The following ZNRF3 variants were observed in gnomAD, a reference collection of about 807,000 sequenced individuals.
ZNRF3 encodes the protein E3 ubiquitin-protein ligase ZNRF3.
ZNRF3 carries 23 observed loss-of-function variants against 72.5 expected under a neutral mutation model. That is an observed-to-expected ratio of 0.32 (90% confidence interval 0.23 to 0.45). ZNRF3 has a LOEUF of 0.45. Among genes scored for constraint, ZNRF3 ranks in the 20% least tolerant of loss-of-function variants. The probability of loss-of-function intolerance (pLI) is 1.00; values close to 1 mark genes in which losing one functional copy is unlikely to be tolerated. For synonymous variants in ZNRF3, 610 were observed against 545.3 expected (o/e 1.12, Z -1.65); for missense variants, 1,169 against 1,272.1 (o/e 0.92, Z 1.23).
intron 2 of ZNRF3, among the ~76,000 whole-genome samples, chr22:28,995,294 T>C: frequency 6.6e-6 from 1 of 151,776 alleles, no homozygotes; most frequent in East Asian, 1.9e-4. Context: ...ATTAGCCTGG[T>C]GTGGTGGCGG....
chr22:28,913,148 C>A (rs2034349466), intron 1 of ZNRF3, among the ~76,000 whole-genome samples: 1 of 152,204 alleles, frequency 6.6e-6, no homozygotes. Context: ...CTCAAGGCAT[C>A]GCCTGAAGAA....
chr22:29,041,015 T>A (rs748628289), intron 2 of ZNRF3, among the ~76,000 whole-genome samples: 8 of 152,170 alleles, frequency 5.3e-5, no homozygotes, highest in Non-Finnish European at 8.8e-5. Flanking sequence ...ACTCTGTTGA[T>A]CTCTAAGCAC....
At chr22:28,944,615 C>T (rs1281827469) in intron 1 of ZNRF3, among the ~76,000 whole-genome samples, 2 of 151,910 alleles carry the variant, frequency 1.3e-5, no homozygotes, top group Non-Finnish European at 2.9e-5. Context: ...ATTAGCCGGG[C>T]GTGGTGGCGC....
intron 2 of ZNRF3, among the ~76,000 whole-genome samples, chr22:29,037,216 G>A (rs924480177): frequency 3.3e-5 from 5 of 152,184 alleles, no homozygotes; most frequent in Admixed American, 1.3e-4. Flanking sequence ...AATAGAGATG[G>A]CGGTAGGTCC....
Position 28,884,034 on chromosome 22 carries a change from G to A in ZNRF3, c.268G>A (p.Ala90Thr). 1 of 1,287,270 alleles carries A rather than the reference G, an allele frequency of 7.8e-7. No homozygotes were observed. Among genetic ancestry groups the A allele is most frequent in the Non-Finnish European group, 1.0e-6 (1 of 998,302 alleles). The allele number at this position is 1,287,270 out of a possible 1,614,324, so 79.7% of individuals were successfully genotyped here. Reference protein sequence around the residue: ...GLTGRFSRAGATLSAEGEIVQ... With the variant: ...GLTGRFSRAGTTLSAEGEIVQ... ...CACGGGCCGCTTCTCGCGGGCCGGG[G>A]CCACGCTCAGCGCCGAGGGCGAGAT... Residue 90 changes from alanine (A) to threonine (T), a missense_variant, in exon 1 of 9, where the codon GCC becomes ACC. Physicochemically the swap from Ala to Thr is moderately conservative, Grantham distance 58. This residue lies in a region of ZNRF3 where 386 missense variants were observed against 540.7 expected (regional missense o/e 0.71). Transcript: ENST00000544604.
intron 2 of ZNRF3, chr22:29,018,138 A>G: frequency 4.1e-6 from 2 of 491,728 alleles, no homozygotes; most frequent in Non-Finnish European, 4.1e-6. Flanking sequence ...CTTGAACATT[A>G]TAAGGAATTG....
chr22:28,912,381 T>C (rs1218539855), intron 1 of ZNRF3, among the ~76,000 whole-genome samples: 4 of 152,184 alleles, frequency 2.6e-5, no homozygotes, highest in Non-Finnish European at 5.9e-5. Context: ...CTTTATTCCC[T>C]TCTGCTTAAG....
At chr22:29,053,434 G>A in intron 8 of ZNRF3, 145 bp from the exon 9 acceptor site, 4 of 640,522 alleles carry the variant, frequency 6.2e-6, no homozygotes, top group Admixed American at 3.1e-5. Flanking sequence ...CACAAATGGA[G>A]CCCCTCTGGG....
chr22:28,943,343 G>C (rs559039327), intron 1 of ZNRF3, among the ~76,000 whole-genome samples: 2 of 152,136 alleles, frequency 1.3e-5, no homozygotes, highest in African/African-American at 2.4e-5. Context: ...CTTAGCAACC[G>C]ATCCTTTGAC....
At chr22:28,951,710 T>C (rs2035163104) in intron 1 of ZNRF3, among the ~76,000 whole-genome samples, 1 of 152,220 alleles carries the variant, frequency 6.6e-6, no homozygotes, top group Admixed American at 6.5e-5. Flanking sequence ...TTGCTCACCT[T>C]GGACCTTTGT....
chr22:28,924,275 G>A (rs756690912), intron 1 of ZNRF3, among the ~76,000 whole-genome samples: 7 of 152,236 alleles, frequency 4.6e-5, no homozygotes, highest in African/African-American at 1.7e-4. Context: ...TTTCAGGCGG[G>A]CTTGTAGATC....
At chr22:29,043,853 G>A (rs2123882174) in intron 4 of ZNRF3, among the ~76,000 whole-genome samples, 1 of 152,342 alleles carries the variant, frequency 6.6e-6, no homozygotes, top group African/African-American at 2.4e-5. Context: ...TTCCTGTAGA[G>A]TAGATTACCT....
intron 2 of ZNRF3, among the ~76,000 whole-genome samples, chr22:29,034,320 A>G (rs2036822766): frequency 1.3e-5 from 2 of 152,176 alleles, no homozygotes; most frequent in African/African-American, 4.8e-5. Context: ...CATTTAAATT[A>G]TGGGTGCCAT....
chr22:29,035,243 C>T (rs890101597), intron 2 of ZNRF3, among the ~76,000 whole-genome samples: 3 of 152,094 alleles, frequency 2.0e-5, no homozygotes, highest in South Asian at 2.1e-4. Flanking sequence ...GGCACCCAAG[C>T]GAGGCCTTTA....
intron 1 of ZNRF3, among the ~76,000 whole-genome samples, chr22:28,900,282 C>T (rs1331837973): frequency 3.9e-5 from 6 of 152,314 alleles, no homozygotes; most frequent in Non-Finnish European, 7.3e-5. Context: ...AGATCACAGT[C>T]GAAGGTGCCA....
intron 1 of ZNRF3, 63 bp downstream of exon 1, chr22:28,884,129 C>T: frequency 9.6e-7 from 1 of 1,039,992 alleles, no homozygotes; most frequent in Non-Finnish European, 1.2e-6. Context: ...GGGGCTGCGC[C>T]CGCCGACCCC....
rs2036738428 is a variant in ZNRF3 at position 29,030,988 on chromosome 22, C to T, written c.427-11507C>T. 6.6e-6 allele frequency: 1 copy of T among 152,434 alleles called. No individual in the cohort carries two copies. Among genetic ancestry groups the T allele is most frequent in the Non-Finnish European group, 1.5e-5 (1 of 68,178 alleles). 9.4% of individuals were successfully genotyped at this position (152,434 alleles called of 1,614,324 possible). The stretch of plus-strand genomic sequence containing the variant: ...GAGCTGGCAGCACTGCGCCACCCAC[C>T]CTCACCTCCCAACCCCCCAAGCAGT... On this transcript the variant is annotated intron_variant, in intron 2 of 8. Transcript: ENST00000544604. This position sits in a 1 kb window ranked among gnomAD's most constrained non-coding sequence, Gnocchi z 4.2.
intron 1 of ZNRF3, among the ~76,000 whole-genome samples, chr22:28,898,926 G>GTTTTTTTTTTTTTTT (rs34713478): frequency 8.8e-6 from 1 of 114,066 alleles, no homozygotes; most frequent in Non-Finnish European, 1.8e-5. Flanking sequence ...ACATGCTGAG[G>GTTTTTTTTTTTTTTT]TTTTTTTTTT....
intron 1 of ZNRF3, among the ~76,000 whole-genome samples, chr22:28,982,643 A>C (rs1281439152): frequency 1.3e-5 from 2 of 151,930 alleles, no homozygotes; most frequent in Non-Finnish European, 2.9e-5. Flanking sequence ...TTTCCCATAA[A>C]ATGCAAATGA....
Sources: gnomAD v4.1 joint callset for allele counts (sites outside exome capture counted in the v4.1 genomes callset) on GRCh38, gnomAD v4.1.1 for gene constraint, gnomAD v4.1.1 regional missense constraint, Gnocchi (gnomAD v3.1) non-coding constraint, MANE v1.5 for transcripts, NCBI Gene and HGNC (gene_info 2026-07-23, HGNC 2026-07-21) for gene names.